DOCK4: variants seen among roughly 807,000 people sequenced by gnomAD.
DOCK4 encodes the protein dedicator of cytokinesis protein 4.
In DOCK4, 97 loss-of-function variants were observed where a neutral mutation model predicts 268.1. That is an observed-to-expected ratio of 0.36 (90% CI 0.31 to 0.43). DOCK4 has a LOEUF of 0.43. Ranked by LOEUF, DOCK4 falls within the 20% of genes least tolerant of loss-of-function variation. The probability of loss-of-function intolerance (pLI) is 1.00; values close to 1 mark genes in which losing one functional copy is unlikely to be tolerated. For missense variants in DOCK4, 2,145 were observed against 2,455.7 expected (o/e 0.87, Z 2.67); for synonymous variants, 954 against 887.2 (o/e 1.08, Z -1.34).
intron 1 of DOCK4, among the ~76,000 whole-genome samples, chr7:112,156,747 T>A (rs1043450567): frequency 6.6e-6 from 1 of 152,140 alleles, no homozygotes; most frequent in East Asian, 1.9e-4. Flanking sequence ...TAAAGACTAT[T>A]AAAAAACCAC....
At chr7:111,807,785 T>A (rs200547731) in intron 30 of DOCK4, 5 of 152,122 alleles carry the variant, frequency 3.3e-5, no homozygotes, top group African/African-American at 1.2e-4. Flanking sequence ...TTCATTATTT[T>A]TTTTTATTTT....
Position 112,205,772 on chromosome 7 carries a change from GACACAC to G in DOCK4, c.37+324_37+329del, listed in dbSNP as rs35579043. 4.0e-5 allele frequency among the ~76,000 whole-genome samples: 6 copies of G among 148,758 alleles called. No individual in the cohort carries two copies. The South Asian group carries it at 6.4e-4, about 16-fold the overall frequency. ...CCCCATTCGCCTCCTCTTCCAACTT[GACACAC>G]ACACACACACACACACACACGCCCA... On this transcript the variant is annotated intron_variant, in intron 1 of 52. Coordinates refer to ENST00000428084, the MANE Select transcript of DOCK4 (RefSeq NM_001363540.2).
In DOCK4 at chr7:111,871,919, T is replaced by A. The variant is rs959975902; in HGVS notation, c.2027+71A>T. On this transcript the variant is annotated intron_variant, in intron 20 of 52. Transcript: ENST00000428084. ...CTACACTCCCTTTTAAATTTTCCTA[T>A]ATCGCCTCTTCTGCTGAGAAAAGCT... 7.1e-6 allele frequency: 9 copies of A among 1,259,844 alleles called. No individual in the cohort carries two copies. In the African/African-American group the frequency reaches 1.4e-4, roughly 19 times the overall value. The allele number at this position is 1,259,844 out of a possible 1,614,324, so 78.0% of individuals were successfully genotyped here. A position where few individuals can be genotyped will look rare whatever the true frequency, so the allele number is the denominator to read the frequency against.
rs1164946486 is a variant in DOCK4 at position 111,726,763 on chromosome 7, T to A, written c.*1511A>T. The A allele has an allele frequency of 6.6e-6, 1 of 152,616 alleles. No homozygotes were observed. The highest frequency in any genetic ancestry group is 2.4e-5 in the African/African-American group (1 of 41,442). The allele number at this position is 152,616 out of a possible 1,614,324, so 9.5% of individuals were successfully genotyped here. A position where few individuals can be genotyped will look rare whatever the true frequency, so the allele number is the denominator to read the frequency against. On this transcript the variant is annotated 3_prime_UTR_variant, in exon 53 of 53. Transcript: ENST00000428084. ...ATACTGCATCAACAACTGTTTGCGT[T>A]TATTTTTACTTTTTTTTACACATAA...
chr7:111,758,265 T>G (rs114415323), intron 41 of DOCK4, among the ~76,000 whole-genome samples: 1,631 of 152,318 alleles, frequency 0.011, 32 homozygotes, highest in African/African-American at 0.035. Flanking sequence ...CATCCCAAGA[T>G]TCCCACAATT....
intron 1 of DOCK4, among the ~76,000 whole-genome samples, chr7:112,200,393 A>G (rs1024479491): frequency 2.6e-5 from 4 of 152,192 alleles, no homozygotes; most frequent in Non-Finnish European, 5.9e-5. Flanking sequence ...CTTAAACTCT[A>G]TGAAACTGTT....
At chr7:111,930,518 A>G (rs1229411595) in intron 12 of DOCK4, among the ~76,000 whole-genome samples, 3 of 152,216 alleles carry the variant, frequency 2.0e-5, no homozygotes, top group African/African-American at 7.2e-5. Flanking sequence ...ACTGAGGAAT[A>G]GCAGGAGAAA....
At chr7:111,745,425 G>A (rs913250979) in intron 44 of DOCK4, among the ~76,000 whole-genome samples, 3 of 152,118 alleles carry the variant, frequency 2.0e-5, no homozygotes, top group Non-Finnish European at 4.4e-5. Context: ...GCTCACGCCT[G>A]TAATCCCAGC....
chr7:111,927,610 C>T (rs1793827956), intron 12 of DOCK4, among the ~76,000 whole-genome samples: 1 of 152,170 alleles, frequency 6.6e-6, no homozygotes, highest in South Asian at 2.1e-4. Flanking sequence ...ATAGCATATA[C>T]TGAGGACTAT....
intron 1 of DOCK4, among the ~76,000 whole-genome samples, chr7:112,077,371 A>C (rs72603557): frequency 0.096 from 14,659 of 152,156 alleles, 1,091 homozygotes; most frequent in East Asian, 0.39. Context: ...GAAAGACATC[A>C]TATAAAATGA....
At position 111,858,796 on chromosome 7, in the gene DOCK4, C is replaced by T. The variant is rs1805231225; in HGVS notation, c.2473+4576G>A. On this transcript the variant is annotated intron_variant, in intron 23 of 52. Coordinates refer to ENST00000428084, the MANE Select transcript of DOCK4 (RefSeq NM_001363540.2). ...CTTTCCTCCTTCCTTCCCTTCCTTT[C>T]CTTCCTTCCCTCCCTTCCTTCCTTC... Among the ~76,000 whole-genome samples, 3 of 149,234 alleles carry T rather than the reference C, an allele frequency of 2.0e-5. No homozygotes were observed. The South Asian group carries it at 6.3e-4, about 31-fold the overall frequency.
intron 12 of DOCK4, 61 bp from the exon 13 acceptor site, chr7:111,915,965 G>A (rs1792549300): frequency 1.9e-6 from 3 of 1,548,746 alleles, no homozygotes; most frequent in South Asian, 2.4e-5. Flanking sequence ...AAGAGAAACT[G>A]ATGTGTTGCA....
chr7:112,004,999 C>A (rs1800740151), intron 1 of DOCK4, among the ~76,000 whole-genome samples: 1 of 152,074 alleles, frequency 6.6e-6, no homozygotes, highest in Non-Finnish European at 1.5e-5. Flanking sequence ...GTAAGTAAAG[C>A]TTGAGTCAGA....
In DOCK4 at chr7:111,746,496, C is replaced by T. The variant is rs1302370437; in HGVS notation, c.4594-79G>A. 4 of 1,135,316 alleles carry T rather than the reference C, an allele frequency of 3.5e-6. No homozygotes were observed. In the African/African-American group the frequency reaches 6.2e-5, roughly 18 times the overall value. The allele number at this position is 1,135,316 out of a possible 1,614,324, so 70.3% of individuals were successfully genotyped here. On this transcript the variant is annotated intron_variant, in intron 43 of 52. Coordinates refer to ENST00000428084, the MANE Select transcript of DOCK4 (RefSeq NM_001363540.2). Reference sequence around the variant, plus strand: ...AGACAAGTTGTTTTTAAAGACCTGGCATCTTTATGGAAATGACACCATTAC... The same window carrying T: ...AGACAAGTTGTTTTTAAAGACCTGGTATCTTTATGGAAATGACACCATTAC...
At chr7:111,742,679 T>A (rs935929183) in intron 44 of DOCK4, among the ~76,000 whole-genome samples, 6 of 152,186 alleles carry the variant, frequency 3.9e-5, no homozygotes, top group African/African-American at 1.4e-4. Flanking sequence ...ACAGTTTCCA[T>A]GCTTCTTGTT....
chr7:112,065,695 T>C (rs1267017581), intron 1 of DOCK4, among the ~76,000 whole-genome samples: 2 of 151,912 alleles, frequency 1.3e-5, no homozygotes, highest in African/African-American at 2.4e-5. Flanking sequence ...CATGCACAGC[T>C]AGATTTGGAG....
intron 5 of DOCK4, among the ~76,000 whole-genome samples, chr7:111,993,572 A>C (rs1230187937): frequency 1.3e-5 from 2 of 152,222 alleles, no homozygotes; most frequent in Non-Finnish European, 2.9e-5. Context: ...GGATTAAAGA[A>C]GATACTGCAT....
chr7:112,119,225 A>T (rs115688012), intron 1 of DOCK4, among the ~76,000 whole-genome samples: 1 of 152,106 alleles, frequency 6.6e-6, no homozygotes, highest in Non-Finnish European at 1.5e-5. Context: ...GAACTGAATA[A>T]ATGGAGAATC....
At chr7:112,171,682 T>A (rs1818096928) in intron 1 of DOCK4, among the ~76,000 whole-genome samples, 1 of 152,196 alleles carries the variant, frequency 6.6e-6, no homozygotes, top group African/African-American at 2.4e-5. Flanking sequence ...TTTCTTCATA[T>A]CCACATTGAC....
Sources: gnomAD v4.1 joint callset for allele counts (sites outside exome capture counted in the v4.1 genomes callset) on GRCh38, gnomAD v4.1.1 for gene constraint, MANE v1.5 for transcripts, NCBI Gene and HGNC (gene_info 2026-07-23, HGNC 2026-07-21) for gene names.